The following GMPS variants were observed in gnomAD, a reference collection of about 807,000 sequenced individuals.
GMPS encodes the protein GMP synthase [glutamine-hydrolyzing].
A neutral mutation model predicts 77.9 loss-of-function variants in GMPS; 15 were observed. The ratio of observed to expected loss-of-function variants is 0.19; its 90% CI spans 0.13 to 0.30. The LOEUF (loss-of-function observed/expected upper bound fraction) is 0.30. GMPS is among the 10% of genes least tolerant of loss of function. The probability of loss-of-function intolerance (pLI) is 1.00; values close to 1 mark genes in which losing one functional copy is unlikely to be tolerated. For synonymous variants in GMPS, 224 were observed against 275.9 expected (o/e 0.81, Z 1.86); for missense variants, 590 against 838.8 (o/e 0.70, Z 3.66).
intron 1 of GMPS, among the ~76,000 whole-genome samples, chr3:155,877,829 G>A (rs1433760929): frequency 2.2e-5 from 3 of 139,442 alleles, no homozygotes; most frequent in Admixed American, 7.8e-5. Flanking sequence ...ACAGAGTCTC[G>A]CTAGTACAGT....
intron 1 of GMPS, among the ~76,000 whole-genome samples, chr3:155,887,753 A>G (rs762161237): frequency 5.3e-5 from 8 of 152,150 alleles, no homozygotes; most frequent in Middle Eastern, 3.2e-3. Context: ...TGCATGCTGA[A>G]AAGGTTTTGG....
chr3:155,897,484 G>C (rs1222285245), intron 2 of GMPS, among the ~76,000 whole-genome samples: 1 of 152,164 alleles, frequency 6.6e-6, no homozygotes, highest in African/African-American at 2.4e-5. Flanking sequence ...TTTTGTTGTA[G>C]AGTATTTTGC....
In GMPS at chr3:155,870,912, C is replaced by A; in HGVS notation, c.27+15C>A. On this transcript the variant is annotated intron_variant, in intron 1 of 15. Coordinates refer to ENST00000496455, the MANE Select transcript of GMPS (RefSeq NM_003875.3). ...GAGACTCCAAGGTCAGCGTGGGGGTCCCTGCAGCACCGCATCCCGGCGGAG... is the reference window on the plus strand; with the variant it reads ...GAGACTCCAAGGTCAGCGTGGGGGTACCTGCAGCACCGCATCCCGGCGGAG... 6.8e-7 allele frequency: 1 copy of A among 1,472,718 alleles called. No individual in the cohort carries two copies. The highest frequency in any genetic ancestry group is 3.0e-5 in the East Asian group (1 of 33,840). 91.2% of individuals were successfully genotyped at this position (1,472,718 alleles called of 1,614,324 possible).
chr3:155,907,760 A>T (rs565712958), intron 5 of GMPS, among the ~76,000 whole-genome samples: 1 of 152,208 alleles, frequency 6.6e-6, no homozygotes, highest in Non-Finnish European at 1.5e-5. Flanking sequence ...GGTTGTTGCA[A>T]TTTTATAGGC....
chr3:155,873,517 G>A (rs186149340), intron 1 of GMPS, among the ~76,000 whole-genome samples: 4 of 151,902 alleles, frequency 2.6e-5, no homozygotes, highest in African/African-American at 4.8e-5. Context: ...CCACTTTAGC[G>A]TCCCAAAGTG....
rs548330973 is a variant in GMPS, at chr3:155,899,355, C to G, written c.324+1314C>G. ...TGCACTCCAGCCTCAGTGACAAGAG[C>G]AAAACTCCTTCTCAAAAAAAAAAAG... On this transcript the variant is annotated intron_variant, in intron 3 of 15. Coordinates refer to ENST00000496455, the MANE Select transcript of GMPS (RefSeq NM_003875.3). Among the ~76,000 whole-genome samples, 4 of 148,636 alleles carry G rather than the reference C, an allele frequency of 2.7e-5. No homozygotes were observed. In the South Asian group the frequency reaches 8.5e-4, roughly 31 times the overall value.
At chr3:155,893,872 G>A (rs542101372) in intron 2 of GMPS, among the ~76,000 whole-genome samples, 173 bp downstream of exon 2, 1 of 152,256 alleles carries the variant, frequency 6.6e-6, no homozygotes, top group South Asian at 2.1e-4. Flanking sequence ...TAAGCTTTCA[G>A]TTTAAAAAGA....
At chr3:155,918,200 A>C (rs1373275763) in intron 9 of GMPS, among the ~76,000 whole-genome samples, 3 of 152,140 alleles carry the variant, frequency 2.0e-5, no homozygotes, top group Non-Finnish European at 4.4e-5. Context: ...CTATAATCCC[A>C]GCACTTTGGG....
intron 1 of GMPS, among the ~76,000 whole-genome samples, chr3:155,878,399 T>C (rs78296276): frequency 0.055 from 8,327 of 152,308 alleles, 320 homozygotes; most frequent in East Asian, 0.18. Flanking sequence ...TTTATCCACT[T>C]ATCAGTTGAT....
At chr3:155,895,369 G>A (rs1754578074) in intron 2 of GMPS, 3 of 151,910 alleles carry the variant, frequency 2.0e-5, no homozygotes, top group Admixed American at 6.6e-5. Flanking sequence ...GCAGTGGTGC[G>A]ATCTTGGCTC....
chr3:155,871,257 C>T (rs1482711949), intron 1 of GMPS, among the ~76,000 whole-genome samples: 1 of 151,894 alleles, frequency 6.6e-6, no homozygotes, highest in Non-Finnish European at 1.5e-5. Flanking sequence ...GTCTGCGTGT[C>T]GGGGTGGGGG....
intron 11 of GMPS, among the ~76,000 whole-genome samples, chr3:155,923,997 C>T (rs539730896): frequency 4.2e-4 from 64 of 152,322 alleles, no homozygotes; most frequent in African/African-American, 1.5e-3. Flanking sequence ...TCTCCTGCCT[C>T]AGCCTCCCGA....
intron 1 of GMPS, among the ~76,000 whole-genome samples, chr3:155,887,286 T>G (rs878988100): frequency 1.3e-5 from 2 of 152,188 alleles, no homozygotes. Flanking sequence ...ATTTTTTTTT[T>G]CTTTCTTTTA....
At chr3:155,934,866 T>TCTACATTTGAAATGTAATTG (rs1408885796) in intron 13 of GMPS, 50 bp from the exon 14 acceptor site, 7 of 1,203,656 alleles carry the variant, frequency 5.8e-6, no homozygotes, top group Non-Finnish European at 8.6e-6. Flanking sequence ...AAATGTAATT[T>TCTACATTTGAAATGTAATTG]CTACATTTGA....
intron 15 of GMPS, among the ~76,000 whole-genome samples, 189 bp downstream of exon 15, chr3:155,936,699 A>G (rs1051655382): frequency 1.3e-5 from 2 of 152,136 alleles, no homozygotes; most frequent in Non-Finnish European, 2.9e-5. Context: ...TAAATTATAT[A>G]TGCTCTCCAA....
chr3:155,928,429 T>G (rs911538656), intron 12 of GMPS, among the ~76,000 whole-genome samples: 6 of 152,210 alleles, frequency 3.9e-5, no homozygotes, highest in Non-Finnish European at 8.8e-5. Flanking sequence ...TTCTCTAATC[T>G]GTTACTTTTT....
At chr3:155,915,382 C>A (rs1398808040) in intron 8 of GMPS, among the ~76,000 whole-genome samples, 1 of 151,550 alleles carries the variant, frequency 6.6e-6, no homozygotes, top group African/African-American at 2.4e-5. Flanking sequence ...GGATTACAGG[C>A]ATGCACCACC....
chr3:155,925,053 A>G (rs1346115900), intron 11 of GMPS, among the ~76,000 whole-genome samples, 188 bp from the exon 12 acceptor site: 1 of 152,224 alleles, frequency 6.6e-6, no homozygotes, highest in East Asian at 1.9e-4. Context: ...TCTTATCCTA[A>G]GACTTCTTCA....
intron 1 of GMPS, among the ~76,000 whole-genome samples, chr3:155,872,441 G>A (rs66509404): frequency 0.4 from 60,365 of 152,014 alleles, 14,477 homozygotes; most frequent in Non-Finnish European, 0.52. Context: ...CTAGTTTTGA[G>A]TCTTACAACT....
Sources: allele counts gnomAD v4.1 joint callset (sites outside exome capture counted in the v4.1 genomes callset), GRCh38; gene constraint gnomAD v4.1.1; transcripts MANE v1.5; gene names NCBI Gene and HGNC (gene_info 2026-07-23, HGNC 2026-07-21).